Variants in CCDC30 observed in about 807,000 individuals in gnomAD.
CCDC30 encodes coiled-coil domain containing 30, also known as coiled-coil domain-containing protein 30.
Under a neutral mutation model 100.2 loss-of-function variants are expected in CCDC30, and 70 were observed. The ratio of observed to expected loss-of-function variants is 0.70; its 90% CI spans 0.58 to 0.85. The LOEUF (loss-of-function observed/expected upper bound fraction) is 0.85. CCDC30 is among the 40% of genes least tolerant of loss of function. The probability of loss-of-function intolerance (pLI) is 0.00; values close to 1 mark genes in which losing one functional copy is unlikely to be tolerated. For synonymous variants in CCDC30, 233 were observed against 269.5 expected (o/e 0.86, Z 1.33); for missense variants, 652 against 771.2 (o/e 0.85, Z 1.83).
chr1:42,481,862 A>G (rs1201484224), intron 2 of CCDC30, among the ~76,000 whole-genome samples: 1 of 152,192 alleles, frequency 6.6e-6, no homozygotes, highest in Admixed American at 6.6e-5. Context: ...AAGCTATCCA[A>G]ATTTTTAAGT....
chr1:42,460,847 G>C (rs1643391932), upstream of CCDC30, among the ~76,000 whole-genome samples: 1 of 152,214 alleles, frequency 6.6e-6, no homozygotes, highest in Admixed American at 6.5e-5. Context: ...GCATCAGTCT[G>C]GTGCCTAGCA....
chr1:42,572,904 C>T (rs955670827), intron 7 of CCDC30, among the ~76,000 whole-genome samples: 2 of 152,202 alleles, frequency 1.3e-5, no homozygotes, highest in Non-Finnish European at 2.9e-5. Flanking sequence ...AGGCGTGAGC[C>T]ACCGTGCCCA....
At chr1:42,496,961 G>A in intron 4 of CCDC30, 137 bp from the exon 5 acceptor site, 1 of 407,648 alleles carries the variant, frequency 2.5e-6, no homozygotes, top group South Asian at 1.4e-4. Flanking sequence ...TGCACAGAGA[G>A]CCAGCCACAT....
At chr1:42,587,638 C>T (rs1646100174) in intron 9 of CCDC30, among the ~76,000 whole-genome samples, 1 of 152,070 alleles carries the variant, frequency 6.6e-6, no homozygotes, top group African/African-American at 2.4e-5. Flanking sequence ...ATAATTGTCC[C>T]CCAATAACCT....
chr1:42,650,761 G>A (rs1648280186), intron 15 of CCDC30, among the ~76,000 whole-genome samples: 1 of 151,790 alleles, frequency 6.6e-6, no homozygotes, highest in South Asian at 2.1e-4. Context: ...CAAGTAGCTG[G>A]AACCATAGGT....
chr1:42,504,025 C>G (rs969297013), intron 6 of CCDC30, among the ~76,000 whole-genome samples: 3 of 152,192 alleles, frequency 2.0e-5, no homozygotes, highest in East Asian at 1.9e-4. Flanking sequence ...TAACAGCAAG[C>G]CAGTCATTAG....
chr1:42,616,833 T>C (rs1020435586), intron 11 of CCDC30, among the ~76,000 whole-genome samples: 2 of 152,190 alleles, frequency 1.3e-5, no homozygotes, highest in African/African-American at 4.8e-5. Flanking sequence ...CAACATGCTT[T>C]CCAAACCGTG....
intron 6 of CCDC30, among the ~76,000 whole-genome samples, chr1:42,501,341 C>G (rs1403267656): frequency 6.6e-6 from 1 of 152,208 alleles, no homozygotes; most frequent in Non-Finnish European, 1.5e-5. Flanking sequence ...AGATCCACTT[C>G]TGGTCTCTGT....
At chr1:42,509,383 T>G (rs1285874905) in intron 6 of CCDC30, among the ~76,000 whole-genome samples, 3 of 152,206 alleles carry the variant, frequency 2.0e-5, no homozygotes, top group Non-Finnish European at 4.4e-5. Context: ...CTCTCTAAAC[T>G]GCTCTCAAGG....
intron 10 of CCDC30, among the ~76,000 whole-genome samples, chr1:42,604,668 G>A (rs947206737): frequency 9.2e-5 from 14 of 152,060 alleles, no homozygotes; most frequent in African/African-American, 2.9e-4. Flanking sequence ...ACTGCTGTTC[G>A]CCAAAAGTCT....
Position 42,646,329 on chromosome 1 carries a change from C to A in CCDC30, c.1854+12C>A. 1.4e-6 allele frequency: 2 copies of A among 1,472,406 alleles called. No individual in the cohort carries two copies. Among genetic ancestry groups the A allele is most frequent in the South Asian group, 2.8e-5 (2 of 70,416 alleles). 91.2% of individuals were successfully genotyped at this position (1,472,406 alleles called of 1,614,324 possible). ...ACTCTGAGCAGATGGTAGGAGAATC[C>A]AACTTCCACATCCACAATACCCTTC... On this transcript the variant is annotated intron_variant, in intron 15 of 16. Transcript: ENST00000668663.
At chr1:42,609,491 G>T (rs555618670) in intron 10 of CCDC30, among the ~76,000 whole-genome samples, 1 of 152,098 alleles carries the variant, frequency 6.6e-6, no homozygotes, top group African/African-American at 2.4e-5. Flanking sequence ...CTCTCATGTT[G>T]TTCAGGGGTT....
At chr1:42,556,932 G>A (rs948607089) in intron 6 of CCDC30, among the ~76,000 whole-genome samples, 3 of 152,124 alleles carry the variant, frequency 2.0e-5, no homozygotes, top group African/African-American at 4.8e-5. Flanking sequence ...AGGAAAATAC[G>A]ACAGACATTT....
chr1:42,491,132 G>T (rs1240871380), intron 4 of CCDC30, among the ~76,000 whole-genome samples: 1 of 152,044 alleles, frequency 6.6e-6, no homozygotes, highest in African/African-American at 2.4e-5. Flanking sequence ...ATTATAAAAT[G>T]AACACTGCTT....
intron 10 of CCDC30, chr1:42,591,849 C>G (rs767224152): frequency 2.0e-5 from 3 of 152,358 alleles, no homozygotes; most frequent in Non-Finnish European, 4.4e-5. Flanking sequence ...AGGAGAAGAG[C>G]TACCCAAGGC....
At position 42,564,915 on chromosome 1, in the gene CCDC30, C is replaced by T. The variant is rs570189552; in HGVS notation, c.457-1381C>T. On this transcript the variant is annotated intron_variant, in intron 6 of 16. Coordinates refer to ENST00000668663, the Ensembl canonical transcript of CCDC30. Reference sequence around the variant, plus strand: ...ATGAGTTCAACTTTTTCAGAGTCCACGTATAAGTGAGATCATGCAGTATTT... The same window carrying T: ...ATGAGTTCAACTTTTTCAGAGTCCATGTATAAGTGAGATCATGCAGTATTT... 1.4e-4 allele frequency among the ~76,000 whole-genome samples: 22 copies of T among 152,142 alleles called. 1 individual carries two copies. The highest frequency in any genetic ancestry group is 5.3e-4 in the African/African-American group (22 of 41,494).
chr1:42,631,579 G>T (rs1647038283), intron 11 of CCDC30, among the ~76,000 whole-genome samples: 1 of 152,192 alleles, frequency 6.6e-6, no homozygotes, highest in African/African-American at 2.4e-5. Context: ...GCTCCCCCAT[G>T]CCCCAGGCAG....
chr1:42,634,304 G>A (rs1195942477), intron 11 of CCDC30, among the ~76,000 whole-genome samples: 1 of 151,050 alleles, frequency 6.6e-6, no homozygotes, highest in Non-Finnish European at 1.5e-5. Context: ...AGGGCAAAGG[G>A]ACATTTGGCA....
rs1570363785 is a variant in CCDC30 at position 42,653,030 on chromosome 1, T to C, written c.1855-346T>C. Among the ~76,000 whole-genome samples, 3 of 152,302 alleles carry C rather than the reference T, an allele frequency of 2.0e-5. No individual in the cohort carries two copies. The South Asian group carries it at 6.2e-4, about 32-fold the overall frequency. ...CCCGTTAAAAGGGAAAACTTTATAG[T>C]ATGTGAATTACTTCTCAACAAAGCA... On this transcript the variant is annotated intron_variant, in intron 15 of 16. Transcript: ENST00000668663.
Sources: gnomAD v4.1 joint callset for allele counts (sites outside exome capture counted in the v4.1 genomes callset) on GRCh38, gnomAD v4.1.1 for gene constraint, MANE v1.5 for transcripts, NCBI Gene and HGNC (gene_info 2026-07-23, HGNC 2026-07-21) for gene names.